The following PFAS variants were observed in gnomAD, a reference collection of about 807,000 sequenced individuals.
PFAS encodes FGAM synthase.
A neutral mutation model predicts 140.6 loss-of-function variants in PFAS; 97 were observed. That is an observed-to-expected ratio of 0.69 (90% confidence interval 0.59 to 0.82). The LOEUF (loss-of-function observed/expected upper bound fraction) is 0.82, where lower values mean the gene tolerates loss of function less well. Among genes scored for constraint, PFAS ranks in the 40% least tolerant of loss-of-function variants. PFAS has a pLI of 0.00. For synonymous variants in PFAS, 679 were observed against 718.8 expected, an observed-to-expected ratio of 0.94 and a Z score of 0.88; for missense variants, 1,656 against 1,780.2, an observed-to-expected ratio of 0.93 and a Z score of 1.26.
chr17:8,254,554 A>G (rs1989283340), intron 3 of PFAS, among the ~76,000 whole-genome samples: 1 of 152,224 alleles, frequency 6.6e-6, no homozygotes, highest in East Asian at 1.9e-4. Flanking sequence ...CTGTAATCCC[A>G]GCACTTTGGG....
chr17:8,268,095 C>T (rs1366035627), intron 26 of PFAS, among the ~76,000 whole-genome samples: 4 of 143,982 alleles, frequency 2.8e-5, no homozygotes, highest in South Asian at 4.3e-4. Context: ...GAGTTTCACC[C>T]TTGTTGCCCA....
In PFAS at chr17:8,266,892, C is replaced by T. The variant is rs138022930; in HGVS notation, c.2961C>T (p.His987=). The T allele has an allele frequency of 4.5e-5, 72 of 1,602,656 alleles. No individual in the cohort carries two copies. The African/African-American group carries it at 6.7e-4, about 15-fold the overall frequency. The change falls in exon 23 of 28, where the codon CAC becomes CAT. Residue 987 remains histidine, a synonymous_variant. Coordinates refer to ENST00000314666, the MANE Select transcript of PFAS (RefSeq NM_012393.3). This position sits in a 1 kb window ranked among gnomAD's most constrained non-coding sequence, Gnocchi z 5.0. Reference sequence around the variant, plus strand: ...GCCACACAGGCGAGGCCGGGCCCCACGCCATGGTGAGGAAGTGAGGGAGAG... The same window carrying T: ...GCCACACAGGCGAGGCCGGGCCCCATGCCATGGTGAGGAAGTGAGGGAGAG... ...ELGHTGEAGP[H]AMVRVSVNGA...
intron 11 of PFAS, among the ~76,000 whole-genome samples, chr17:8,261,774 C>A (rs147681607): frequency 9.0e-4 from 137 of 151,946 alleles, no homozygotes; most frequent in African/African-American, 3.2e-3. Flanking sequence ...CCATGCCTGG[C>A]TAATTTTTGC....
rs147698247 is a variant in PFAS at position 8,265,438 on chromosome 17, C to T, written c.2431C>T (p.Arg811Trp). ...GGKDSLSMAA[R>W]VGTETVRAPG... ...CAAGGACTCCCTCAGCATGGCTGCT[C>T]GGGTTGGCACTGAGACCGTGCGGGC... The change falls in exon 19 of 28, where the codon CGG becomes TGG. Residue 811 changes from arginine (R) to tryptophan (W), a missense_variant. Arg to Trp is a moderately radical substitution (Grantham distance 101). Transcript: ENST00000314666. 4.0e-4 allele frequency: 647 copies of T among 1,614,058 alleles called. No homozygotes were observed. Among genetic ancestry groups the T allele is most frequent in the Non-Finnish European group, 5.2e-4 (608 of 1,179,990 alleles).
chr17:8,250,217 A>G (rs1989100211), intron 1 of PFAS, among the ~76,000 whole-genome samples: 1 of 152,256 alleles, frequency 6.6e-6, no homozygotes, highest in Non-Finnish European at 1.5e-5. Flanking sequence ...AAGGTAGGCC[A>G]GAGAGTGGCC....
Position 8,251,179 on chromosome 17 carries a change from G to T in PFAS, c.-80+1840G>T, listed in dbSNP as rs374231795. Among the ~76,000 whole-genome samples, 40 of 152,230 alleles carry T rather than the reference G, an allele frequency of 2.6e-4. No homozygotes were observed. In the East Asian group the frequency reaches 7.2e-3, roughly 27 times the overall value. On this transcript the variant is annotated intron_variant, in intron 1 of 27. Coordinates refer to ENST00000314666, the MANE Select transcript of PFAS (RefSeq NM_012393.3). ...TGTGCACCTGTAGTCTCAGCTACTC[G>T]GGAGACCGAGGCAGGAGAATCGCGT...
intron 1 of PFAS, among the ~76,000 whole-genome samples, chr17:8,252,831 A>C (rs1989211282): frequency 6.6e-6 from 1 of 152,110 alleles, no homozygotes; most frequent in Non-Finnish European, 1.5e-5. Flanking sequence ...CATGTTGCCC[A>C]GGTTGGTCTC....
Position 8,267,189 on chromosome 17 carries a change from T to C in PFAS, c.3129T>C (p.Tyr1043=). The C allele has an allele frequency of 1.2e-6, 2 of 1,606,724 alleles. No homozygotes were observed. Among genetic ancestry groups the C allele is most frequent in the Non-Finnish European group, 1.7e-6 (2 of 1,177,234 alleles). ...RGLRERMGPS[Y]CLPPTFPKAS... is the part of the protein sequence containing the mutation. ...TGAGGGAGCGGATGGGGCCCAGCTATTGCCTGCCCCCCACCTTTCCCAAAG... is the reference window on the plus strand; with the variant it reads ...TGAGGGAGCGGATGGGGCCCAGCTACTGCCTGCCCCCCACCTTTCCCAAAG... Residue 1043 remains tyrosine (Y), a synonymous_variant, in exon 24 of 28, where the codon TAT becomes TAC. Coordinates refer to ENST00000314666, the MANE Select transcript of PFAS (RefSeq NM_012393.3). The surrounding 1 kb of genome is among the most constrained non-coding windows in gnomAD (Gnocchi z 4.9).
At chr17:8,261,872 A>C (rs1210234265) in intron 11 of PFAS, among the ~76,000 whole-genome samples, 4 of 151,812 alleles carry the variant, frequency 2.6e-5, no homozygotes, top group Non-Finnish European at 5.9e-5. Context: ...CAGTCTCCCA[A>C]AGTGCTGGGA....
intron 10 of PFAS, 40 bp from the exon 11 acceptor site, chr17:8,258,031 G>A: frequency 6.2e-7 from 1 of 1,613,730 alleles, no homozygotes; most frequent in Non-Finnish European, 8.5e-7. Context: ...CGAGCACTGG[G>A]GGAACTGAGT....
At chr17:8,264,738 T>C in intron 17 of PFAS, 137 bp downstream of exon 17, 1 of 1,058,698 alleles carries the variant, frequency 9.4e-7, no homozygotes, top group East Asian at 2.4e-5. Flanking sequence ...GCCACCCTGA[T>C]GGCCTGGTCT....
rs1989757199 is a variant in PFAS, at chr17:8,265,105, G to C, written c.2260G>C (p.Ala754Pro). 1.5e-5 allele frequency: 24 copies of C among 1,612,660 alleles called. No individual in the cohort carries two copies. Among genetic ancestry groups the C allele is most frequent in the Non-Finnish European group, 2.0e-5 (24 of 1,179,816 alleles). Reference sequence around the variant, plus strand: ...CGAAGCCCTCACCAACCTGGTGTTTGCTCTGGTCACTGACCTCCGGGTGAG... The same window carrying C: ...CGAAGCCCTCACCAACCTGGTGTTTCCTCTGGTCACTGACCTCCGGGTGAG... Reference protein sequence around the residue: ...VAEALTNLVFALVTDLRDVKC... With the variant: ...VAEALTNLVFPLVTDLRDVKC... The change falls in exon 18 of 28, where the codon GCT (alanine) becomes CCT (proline). Residue 754 changes from alanine (A) to proline (P), a missense_variant. Coordinates refer to ENST00000314666, the MANE Select transcript of PFAS (RefSeq NM_012393.3).
In PFAS at chr17:8,263,003, A is replaced by T. The variant is rs1989655067; in HGVS notation, c.1410+10A>T. On this transcript the variant is annotated intron_variant, in intron 12 of 27. Coordinates refer to ENST00000314666, the MANE Select transcript of PFAS (RefSeq NM_012393.3). ...TGCTTCATCTGTGCAGGTGAGTGGG[A>T]ATTGCTAAAGGTGCAGAATCCTTGA... The T allele has an allele frequency of 6.2e-7, 1 of 1,613,356 alleles. No homozygotes were observed. Among genetic ancestry groups the T allele is most frequent in the East Asian group, 2.2e-5 (1 of 44,870 alleles).
At chr17:8,256,162 A>G (rs1263137287) in intron 6 of PFAS, 105 bp from the exon 7 acceptor site, 10 of 1,100,302 alleles carry the variant, frequency 9.1e-6, no homozygotes, top group South Asian at 1.5e-5. Context: ...TCATCTAAGT[A>G]TGAATTTGGC....
rs1567637036 is a variant in PFAS, at chr17:8,256,327, G to A, written c.741G>A (p.Val247=). The change falls in exon 7 of 28, where the codon GTG becomes GTA. Residue 247 remains valine (V), a synonymous_variant. Transcript: ENST00000314666. ...TCCACGTGGATGGGCAGAAGCTGGT[G>A]CACTCACTGTTTGAGTCCATCATGA... is the stretch of plus-strand genomic sequence containing the variant. ...GQLHVDGQKL[V]HSLFESIMST... is the part of the protein sequence containing the mutation. 1 of 1,614,018 alleles carries A rather than the reference G, an allele frequency of 6.2e-7. No individual in the cohort carries two copies.
At chr17:8,253,310 A>T (rs950566889) in intron 1 of PFAS, among the ~76,000 whole-genome samples, 2 of 152,108 alleles carry the variant, frequency 1.3e-5, no homozygotes, top group Non-Finnish European at 2.9e-5. Flanking sequence ...GGGCCCAGCA[A>T]AGTGCATGTA....
chr17:8,268,192 G>A (rs1191807728), intron 26 of PFAS, among the ~76,000 whole-genome samples: 1 of 145,466 alleles, frequency 6.9e-6, no homozygotes, highest in Non-Finnish European at 1.5e-5. Flanking sequence ...CTCCCAAGTA[G>A]CTGGGATTAC....
rs749761431 is a variant in PFAS, at chr17:8,267,160, G to A, written c.3100G>A (p.Gly1034Ser). Residue 1034 changes from glycine to serine, a missense_variant, in exon 24 of 28, where the codon GGC becomes AGC. Transcript: ENST00000314666. This position sits in a 1 kb window ranked among gnomAD's most constrained non-coding sequence, Gnocchi z 4.9. ...TCGCTGTGTGGCAGAGGAGGAACGG[G>A]GCCTGAGGGAGCGGATGGGGCCCAG... Reference protein sequence around the residue: ...EPRCVAEEERGLRERMGPSYC... With the variant: ...EPRCVAEEERSLRERMGPSYC... 14 of 1,610,670 alleles carry A rather than the reference G, an allele frequency of 8.7e-6. No individual in the cohort carries two copies. Among genetic ancestry groups the A allele is most frequent in the Non-Finnish European group, 1.1e-5 (13 of 1,178,850 alleles).
chr17:8,249,704 C>A (rs1989068760), intron 1 of PFAS, among the ~76,000 whole-genome samples: 1 of 152,136 alleles, frequency 6.6e-6, no homozygotes, highest in African/African-American at 2.4e-5. Context: ...GAATGATAGA[C>A]GGAAATCAAG....
Sources: gnomAD v4.1 joint callset for allele counts (sites outside exome capture counted in the v4.1 genomes callset) on GRCh38, gnomAD v4.1.1 for gene constraint, Gnocchi (gnomAD v3.1) non-coding constraint, MANE v1.5 for transcripts, NCBI Gene and HGNC (gene_info 2026-07-23, HGNC 2026-07-21) for gene names.